MSI2: variants seen among roughly 807,000 people sequenced by gnomAD.
The protein encoded by MSI2 is musashi RNA binding protein 2.
A neutral mutation model predicts 45.6 loss-of-function variants in MSI2; 17 were observed. That is an observed-to-expected ratio of 0.37 (90% CI 0.26 to 0.56). The LOEUF (loss-of-function observed/expected upper bound fraction) is 0.56, where lower values mean the gene tolerates loss of function less well. MSI2 is among the 20% of genes least tolerant of loss of function. The pLI is 0.77. For synonymous variants in MSI2, 156 were observed against 158.2 expected (o/e 0.99, Z 0.11); for missense variants, 293 against 444.2 (o/e 0.66, Z 3.06).
At chr17:57,269,578 G>T (rs1188585221) in intron 5 of MSI2, among the ~76,000 whole-genome samples, 1 of 152,196 alleles carries the variant, frequency 6.6e-6, no homozygotes, top group East Asian at 1.9e-4. Context: ...CTTACAAAGA[G>T]CTCTCTCATT....
rs527541168 is a variant in MSI2, at chr17:57,549,704, G to A, written c.454+19980G>A. ...GATACTCAGAGAGGTTAAGTAACTT[G>A]ACCAAGGTCACACAGCCAGTAGGAG... is the stretch of plus-strand genomic sequence containing the variant. On this transcript the variant is annotated intron_variant, in intron 7 of 13. Transcript: ENST00000284073. Among the ~76,000 whole-genome samples, 161 of 152,312 alleles carry A rather than the reference G, an allele frequency of 1.1e-3. 1 individual carries two copies. Among genetic ancestry groups the A allele is most frequent in the Non-Finnish European group, 1.9e-3 (131 of 68,040 alleles).
chr17:57,302,201 A>C (rs756970158), intron 5 of MSI2, among the ~76,000 whole-genome samples: 1 of 152,240 alleles, frequency 6.6e-6, no homozygotes, highest in Non-Finnish European at 1.5e-5. Context: ...AATCAGGGTC[A>C]TCGAGACATC....
chr17:57,617,646 A>G (rs893794163), intron 9 of MSI2, among the ~76,000 whole-genome samples: 10 of 151,810 alleles, frequency 6.6e-5, no homozygotes, highest in African/African-American at 2.4e-4. Context: ...AATCAACCTG[A>G]AAGAAGGAGA....
chr17:57,534,588 T>G (rs2086885014), intron 7 of MSI2, among the ~76,000 whole-genome samples: 1 of 144,334 alleles, frequency 6.9e-6, no homozygotes, highest in Non-Finnish European at 1.6e-5. Context: ...GGTGGGTGCC[T>G]CCTGAAATCC....
chr17:57,463,505 G>T (rs1000844713), intron 6 of MSI2, among the ~76,000 whole-genome samples: 2 of 151,870 alleles, frequency 1.3e-5, no homozygotes, highest in South Asian at 2.1e-4. Context: ...ACCCACTAAG[G>T]CTTTGCCCCG....
At chr17:57,606,900 G>C (rs992586025) in intron 8 of MSI2, among the ~76,000 whole-genome samples, 2 of 151,974 alleles carry the variant, frequency 1.3e-5, no homozygotes, top group Non-Finnish European at 1.5e-5. Context: ...GGTGATGGGG[G>C]GGGGTGGCTG....
Position 57,433,310 on chromosome 17 carries a change from G to A in MSI2, c.405+31839G>A, listed in dbSNP as rs113137659. 8.6e-3 allele frequency among the ~76,000 whole-genome samples: 1,316 copies of A among 152,304 alleles called. 11 individuals are homozygous for A. The highest frequency in any genetic ancestry group is 0.011 in the Non-Finnish European group (735 of 68,032). On this transcript the variant is annotated intron_variant, in intron 6 of 13. Transcript: ENST00000284073. ...TGCAGATATAATTAGGTAACATGCTGTTGGGAGGAGGGTGCTAATGCAGTG... is the reference window on the plus strand; with the variant it reads ...TGCAGATATAATTAGGTAACATGCTATTGGGAGGAGGGTGCTAATGCAGTG...
chr17:57,422,837 G>C (rs1332486176), intron 6 of MSI2, among the ~76,000 whole-genome samples: 1 of 152,200 alleles, frequency 6.6e-6, no homozygotes, highest in Non-Finnish European at 1.5e-5. Context: ...ATTTTGGCAA[G>C]GTGTTATTTT....
At chr17:57,301,663 G>A (rs1335029724) in intron 5 of MSI2, among the ~76,000 whole-genome samples, 1 of 152,206 alleles carries the variant, frequency 6.6e-6, no homozygotes, top group African/African-American at 2.4e-5. Flanking sequence ...TTTCATTGCT[G>A]TAGCGTGTTC....
chr17:57,377,904 T>C (rs1394903791), intron 5 of MSI2, among the ~76,000 whole-genome samples: 1 of 151,882 alleles, frequency 6.6e-6, no homozygotes, highest in African/African-American at 2.4e-5. Flanking sequence ...TGAAACCCCG[T>C]CTCTACTAAA....
chr17:57,567,117 C>T (rs1252496065), intron 7 of MSI2, among the ~76,000 whole-genome samples: 1 of 152,184 alleles, frequency 6.6e-6, no homozygotes, highest in Non-Finnish European at 1.5e-5. Context: ...TTCTGTCCCG[C>T]AGACAGGCTG....
chr17:57,296,433 T>G (rs1344218652), intron 5 of MSI2, among the ~76,000 whole-genome samples: 1 of 152,130 alleles, frequency 6.6e-6, no homozygotes, highest in Non-Finnish European at 1.5e-5. Context: ...GTTAAGAGGC[T>G]TGGTCATTGT....
chr17:57,671,854 A>C (rs2144741220), intron 11 of MSI2, among the ~76,000 whole-genome samples: 1 of 152,332 alleles, frequency 6.6e-6, no homozygotes, highest in East Asian at 1.9e-4. Context: ...GAGTCTTCTC[A>C]AAGATGCATG....
intron 11 of MSI2, among the ~76,000 whole-genome samples, chr17:57,664,888 A>T (rs1912252654): frequency 6.6e-6 from 1 of 152,160 alleles, no homozygotes; most frequent in Non-Finnish European, 1.5e-5. Context: ...TCCTGTTAGG[A>T]TCACCTGGGG....
chr17:57,388,802 T>C (rs139594084), intron 5 of MSI2, among the ~76,000 whole-genome samples: 1 of 151,692 alleles, frequency 6.6e-6, no homozygotes, highest in Non-Finnish European at 1.5e-5. Flanking sequence ...TACAGATGTG[T>C]ACCACCACAC....
intron 7 of MSI2, among the ~76,000 whole-genome samples, chr17:57,585,552 T>C (rs536270938): frequency 6.6e-6 from 1 of 152,342 alleles, no homozygotes; most frequent in East Asian, 1.9e-4. Flanking sequence ...TAAGCCCTTT[T>C]CCACCCACCT....
At chr17:57,341,189 G>A (rs189445203) in intron 5 of MSI2, among the ~76,000 whole-genome samples, 200 of 152,326 alleles carry the variant, frequency 1.3e-3, no homozygotes, top group African/African-American at 4.5e-3. Context: ...TCAGGACAGA[G>A]CTGGGAAGGA....
chr17:57,630,507 G>A (rs1375939965), intron 10 of MSI2: 1 of 152,258 alleles, frequency 6.6e-6, no homozygotes, highest in East Asian at 1.9e-4. Flanking sequence ...TGCTCTCAGG[G>A]AGGGCAAGAG....
chr17:57,498,852 T>C (rs1188513858), intron 6 of MSI2, among the ~76,000 whole-genome samples: 1 of 152,084 alleles, frequency 6.6e-6, no homozygotes, highest in Admixed American at 6.5e-5. Flanking sequence ...TGCACCATGT[T>C]GGTGTGCTGC....
Sources: allele counts gnomAD v4.1 joint callset (sites outside exome capture counted in the v4.1 genomes callset), GRCh38; gene constraint gnomAD v4.1.1; transcripts MANE v1.5; gene names NCBI Gene and HGNC (gene_info 2026-07-23, HGNC 2026-07-21).